Variants in BMP6 observed in about 807,000 individuals in gnomAD.
BMP6 encodes the protein VG-1-R.
A neutral mutation model predicts 54.1 loss-of-function variants in BMP6; 17 were observed. That is an observed-to-expected ratio of 0.31 (90% confidence interval 0.22 to 0.47). BMP6 has a LOEUF of 0.47. Ranked by LOEUF, BMP6 falls within the 20% of genes least tolerant of loss-of-function variation. The pLI is 1.00. For synonymous variants in BMP6, 328 were observed against 291.2 expected (o/e 1.13, Z -1.28); for missense variants, 720 against 690.4 (o/e 1.04, Z -0.48).
intron 3 of BMP6, 125 bp from the exon 4 acceptor site, chr6:7,862,176 C>T (rs528354968): frequency 8.5e-7 from 1 of 1,173,398 alleles, no homozygotes; most frequent in South Asian, 1.4e-5. Context: ...GATACATGAT[C>T]TTCTTCTTCA....
chr6:7,800,079 GGTGTGTGTGTGTGTGTGT>G (rs72469855), intron 1 of BMP6, among the ~76,000 whole-genome samples: 11 of 145,160 alleles, frequency 7.6e-5, no homozygotes, highest in Middle Eastern at 3.5e-3. Flanking sequence ...TAAAGGAAGG[GGTGTGTGTGTGTGTGTGT>G]GTGTGTGTGT....
At chr6:7,859,002 C>T (rs574188506) in intron 2 of BMP6, among the ~76,000 whole-genome samples, 10 of 152,150 alleles carry the variant, frequency 6.6e-5, no homozygotes, top group Middle Eastern at 6.8e-3. Flanking sequence ...CAGAGTGACT[C>T]GGTAGCAGAG....
intron 1 of BMP6, among the ~76,000 whole-genome samples, chr6:7,844,759 C>T (rs116409123): frequency 0.015 from 2,283 of 152,168 alleles, 60 homozygotes; most frequent in African/African-American, 0.053. Context: ...CCAGGATGGG[C>T]GGACGGGTTC....
At chr6:7,739,232 C>T (rs554513201) in intron 1 of BMP6, among the ~76,000 whole-genome samples, 15 of 152,160 alleles carry the variant, frequency 9.9e-5, no homozygotes, top group Admixed American at 4.6e-4. Flanking sequence ...TTGATCCTGC[C>T]GGAACACAGC....
At chr6:7,836,071 C>G (rs917942678) in intron 1 of BMP6, among the ~76,000 whole-genome samples, 1 of 152,178 alleles carries the variant, frequency 6.6e-6, no homozygotes, top group African/African-American at 2.4e-5. Context: ...AAACTCCTGA[C>G]CTCAGGTGAT....
At position 7,881,223 on chromosome 6, in the gene BMP6, A is replaced by C. The variant is rs1470042384; in HGVS notation, c.*880A>C. ...CACAGGGTTAGAACCAACGAAGAAA[A>C]TAAAATGAGGGTGCCCAGCTTATAA... On this transcript the variant is annotated 3_prime_UTR_variant, in exon 7 of 7. Coordinates refer to ENST00000283147, the MANE Select transcript of BMP6 (RefSeq NM_001718.6). 1 of 152,622 alleles carries C rather than the reference A, an allele frequency of 6.6e-6. No homozygotes were observed. The highest frequency in any genetic ancestry group is 1.9e-4 in the East Asian group (1 of 5,200). The allele number at this position is 152,622 out of a possible 1,614,324, so 9.5% of individuals were successfully genotyped here.
chr6:7,853,780 G>A (rs1759181266), intron 2 of BMP6, among the ~76,000 whole-genome samples: 1 of 152,162 alleles, frequency 6.6e-6, no homozygotes, highest in African/African-American at 2.4e-5. Context: ...GAGCTTTTCA[G>A]TATTTGTTCC....
intron 1 of BMP6, among the ~76,000 whole-genome samples, chr6:7,808,134 A>T (rs976165796): frequency 6.6e-6 from 1 of 151,444 alleles, no homozygotes; most frequent in Non-Finnish European, 1.5e-5. Flanking sequence ...GTTAGCCAGG[A>T]TGGTCTTGAT....
At chr6:7,866,075 C>G (rs1016443623) in intron 4 of BMP6, among the ~76,000 whole-genome samples, 3 of 152,232 alleles carry the variant, frequency 2.0e-5, no homozygotes, top group African/African-American at 7.2e-5. Flanking sequence ...GCTGGACTTT[C>G]CAAACATGTG....
intron 1 of BMP6, among the ~76,000 whole-genome samples, chr6:7,730,640 G>A (rs1472093777): frequency 6.6e-6 from 1 of 152,202 alleles, no homozygotes; most frequent in Non-Finnish European, 1.5e-5. Context: ...GGCTAGAATG[G>A]GGTAAAATCT....
intron 2 of BMP6, among the ~76,000 whole-genome samples, chr6:7,858,239 A>G (rs1048449608): frequency 6.6e-6 from 1 of 152,028 alleles, no homozygotes; most frequent in African/African-American, 2.4e-5. Context: ...GTACACTATC[A>G]TGCCTGGCAA....
At chr6:7,743,225 C>A (rs936265095) in intron 1 of BMP6, among the ~76,000 whole-genome samples, 1 of 152,148 alleles carries the variant, frequency 6.6e-6, no homozygotes, top group African/African-American at 2.4e-5. Context: ...CCCTCTACCC[C>A]CCTCCCAAAT....
At chr6:7,813,058 T>C (rs1482385674) in intron 1 of BMP6, among the ~76,000 whole-genome samples, 1 of 112,308 alleles carries the variant, frequency 8.9e-6, no homozygotes, top group Non-Finnish European at 1.7e-5. Context: ...AAGATCAGCC[T>C]GAGCAACATG....
At position 7,789,012 on chromosome 6, in the gene BMP6, T is replaced by C. The variant is rs555407549; in HGVS notation, c.665-56128T>C. 3.3e-5 allele frequency among the ~76,000 whole-genome samples: 5 copies of C among 152,302 alleles called. No individual in the cohort carries two copies. The South Asian group carries it at 1.0e-3, about 32-fold the overall frequency. On this transcript the variant is annotated intron_variant, in intron 1 of 6. Coordinates refer to ENST00000283147, the MANE Select transcript of BMP6 (RefSeq NM_001718.6). The stretch of plus-strand genomic sequence containing the variant: ...TTATTGAAGTATAGTTGACAACTAA[T>C]TGTATGTGTTTAAGGTATACAACTT...
At chr6:7,738,381 C>T (rs1761993833) in intron 1 of BMP6, among the ~76,000 whole-genome samples, 2 of 152,182 alleles carry the variant, frequency 1.3e-5, no homozygotes, top group South Asian at 2.1e-4. Flanking sequence ...CTGCTCTGCT[C>T]TTCTGTGGCT....
intron 1 of BMP6, among the ~76,000 whole-genome samples, chr6:7,805,762 CAA>C (rs745993295): frequency 3.9e-5 from 6 of 152,168 alleles, no homozygotes; most frequent in Non-Finnish European, 8.8e-5. Flanking sequence ...TAAAACCTCA[CAA>C]AGAGAATTCT....
intron 1 of BMP6, among the ~76,000 whole-genome samples, chr6:7,808,200 G>A (rs534168196): frequency 3.6e-4 from 55 of 152,112 alleles, no homozygotes; most frequent in East Asian, 2.3e-3. Flanking sequence ...GATTACAGGC[G>A]TGAGCCACCG....
chr6:7,801,045 A>T (rs1391980772), intron 1 of BMP6, among the ~76,000 whole-genome samples: 1 of 152,156 alleles, frequency 6.6e-6, no homozygotes, highest in Non-Finnish European at 1.5e-5. Flanking sequence ...TGGCCACTTA[A>T]TTTGGAGGAA....
At chr6:7,859,876 A>G (rs1409003629) in intron 2 of BMP6, among the ~76,000 whole-genome samples, 1 of 152,034 alleles carries the variant, frequency 6.6e-6, no homozygotes, top group Non-Finnish European at 1.5e-5. Flanking sequence ...AGACGACAAT[A>G]GAGTTCCCTT....
Sources: allele counts gnomAD v4.1 joint callset (sites outside exome capture counted in the v4.1 genomes callset), GRCh38; gene constraint gnomAD v4.1.1; transcripts MANE v1.5; gene names NCBI Gene and HGNC (gene_info 2026-07-23, HGNC 2026-07-21).